LCT: variants seen among roughly 807,000 people sequenced by gnomAD.
LCT encodes lactase/phlorizin hydrolase.
A neutral mutation model predicts 173.0 loss-of-function variants in LCT; 90 were observed. The observed-to-expected ratio is 0.52, with a 90% confidence interval of 0.44 to 0.62. The LOEUF (loss-of-function observed/expected upper bound fraction) is 0.62. LCT is among the 20% of genes least tolerant of loss of function. The pLI, the probability that LCT is intolerant of heterozygous loss-of-function variation, is 0.00. For missense variants in LCT, 1,864 were observed against 2,431.4 expected (o/e 0.77, Z 4.91); for synonymous variants, 853 against 957.6 (o/e 0.89, Z 2.02).
In LCT at chr2:135,837,060, T is replaced by C. The variant is rs1679422189; in HGVS notation, c.110A>G (p.Asn37Ser). The C allele has an allele frequency of 6.2e-7, 1 of 1,614,106 alleles. No homozygotes were observed. The highest frequency in any genetic ancestry group is 8.5e-7 in the Non-Finnish European group (1 of 1,180,020). Residue 37 changes from asparagine to serine, a missense_variant, in exon 1 of 17, where the codon AAT becomes AGT. Coordinates refer to ENST00000264162, the MANE Select transcript of LCT (RefSeq NM_002299.4). ...NFISTAGPLT[N>S]DLLHNLSGLL... ...ACCACTCAGGTTGTGCAGCAAGTCA[T>C]TGGTTAGAGGACCAGCGGTGGAAAT...
chr2:135,790,902 G>C lies in LCT; in HGVS notation c.5112-21C>G, dbSNP rs2077529504. 2 of 1,569,986 alleles carry C rather than the reference G, an allele frequency of 1.3e-6. No homozygotes were observed. The highest frequency in any genetic ancestry group is 1.4e-5 in the African/African-American group (1 of 74,012). On this transcript the variant is annotated intron_variant, in intron 14 of 16. Transcript: ENST00000264162. This position sits in a 1 kb window ranked among gnomAD's most constrained non-coding sequence, Gnocchi z 4.1. ...CTCCTCTACAAGTTCAAAAACTAAA[G>C]ATGAGGTCTTGTTTTGTAAATCTCA...
At chr2:135,830,124 C>G (rs918244203) in intron 2 of LCT, among the ~76,000 whole-genome samples, 8 of 152,072 alleles carry the variant, frequency 5.3e-5, no homozygotes, top group Admixed American at 5.2e-4. Context: ...TGAATCCTAC[C>G]GGGTGTTTGG....
chr2:135,818,141 G>T, intron 5 of LCT, 80 bp from the exon 6 acceptor site: 1 of 1,528,028 alleles, frequency 6.5e-7, no homozygotes, highest in Non-Finnish European at 9.0e-7. Context: ...GATGACTACT[G>T]TGTTTAATCA....
intron 8 of LCT, 57 bp downstream of exon 8, chr2:135,808,386 C>T: frequency 1.5e-6 from 2 of 1,319,902 alleles, no homozygotes; most frequent in Non-Finnish European, 2.2e-6. Context: ...ACATTTCAGG[C>T]ATATGACCCA....
At chr2:135,791,603 A>G (rs1030461782) in intron 14 of LCT, among the ~76,000 whole-genome samples, 1 of 152,134 alleles carries the variant, frequency 6.6e-6, no homozygotes, top group African/African-American at 2.4e-5. Flanking sequence ...GATTTATCTG[A>G]CTCAGCTGAA....
In LCT at chr2:135,818,021, C is replaced by T; in HGVS notation, c.1027G>A (p.Asp343Asn). 6.2e-7 allele frequency: 1 copy of T among 1,613,392 alleles called. No individual in the cohort carries two copies. Among genetic ancestry groups the T allele is most frequent in the Non-Finnish European group, 8.5e-7 (1 of 1,180,012 alleles). Residue 343 changes from aspartate (D) to asparagine (N), a missense_variant, in exon 6 of 17, where the codon GAC becomes AAC. Asp to Asn is a conservative substitution (Grantham distance 23). This residue lies in a region of LCT where 412 missense variants were observed against 462.0 expected (regional missense o/e 0.89). Coordinates refer to ENST00000264162, the MANE Select transcript of LCT (RefSeq NM_002299.4). ...SLTGSLALQPDQQQDHETTDS... is the reference protein window; with the variant it reads ...SLTGSLALQPNQQQDHETTDS... ...GTGGTCTCGTGGTCCTGCTGCTGGTCAGGCTGAAGGGCCAGGCTGCCAGTC... is the reference window on the plus strand; with the variant it reads ...GTGGTCTCGTGGTCCTGCTGCTGGTTAGGCTGAAGGGCCAGGCTGCCAGTC...
intron 5 of LCT, among the ~76,000 whole-genome samples, chr2:135,818,761 C>T (rs1328690346): frequency 2.0e-5 from 3 of 152,166 alleles, no homozygotes; most frequent in African/African-American, 7.2e-5. Flanking sequence ...CACTTGAACC[C>T]GGGAGGCAGA....
At position 135,817,895 on chromosome 2, in the gene LCT, C is replaced by T. The variant is rs2077794367; in HGVS notation, c.1153G>A (p.Gly385Ser). ...CCTGTGGAGGCACCCCAGAGGAAGC[C>T]TTCAGGGAAAGTATCCTGCAGGAAG... ...DAFLQDTFPE[G>S]FLWGASTGAF... Residue 385 changes from glycine to serine, a missense_variant, in exon 6 of 17, where the codon GGC becomes AGC. Coordinates refer to ENST00000264162, the MANE Select transcript of LCT (RefSeq NM_002299.4). 6.2e-7 allele frequency: 1 copy of T among 1,613,804 alleles called. No individual in the cohort carries two copies. The highest frequency in any genetic ancestry group is 1.3e-5 in the African/African-American group (1 of 74,868).
At position 135,807,171 on chromosome 2, in the gene LCT, A is replaced by C. The variant is rs1450801535; in HGVS notation, c.4130T>G (p.Phe1377Cys). ...AREDEFLYGRFPEGFIWSAAS... is the reference protein window; with the variant it reads ...AREDEFLYGRCPEGFIWSAAS... The stretch of plus-strand genomic sequence containing the variant: ...TGCACTCCAGATGAAGCCCTCAGGA[A>C]ACCGTCCGTACAGAAACTCATCCTC... The change falls in exon 9 of 17, where the codon TTT becomes TGT. Residue 1377 changes from phenylalanine (F) to cysteine (C), a missense_variant. Physicochemically the swap from Phe to Cys is radical, Grantham distance 205 (BLOSUM62 -2). Around this residue, in one of 4 missense-constraint regions of LCT, gnomAD observed 514 missense variants for 750.1 expected, o/e 0.69. Transcript: ENST00000264162. 2 of 1,614,232 alleles carry C rather than the reference A, an allele frequency of 1.2e-6. No homozygotes were observed. Among genetic ancestry groups the C allele is most frequent in the Non-Finnish European group, 1.7e-6 (2 of 1,180,028 alleles).
rs1575345578 is a variant in LCT, at chr2:135,821,947, T to C, written c.986+73A>G. 6.7e-6 allele frequency: 6 copies of C among 900,750 alleles called. No homozygotes were observed. In the South Asian group the frequency reaches 7.9e-5, roughly 12 times the overall value. The allele number at this position is 900,750 out of a possible 1,614,324, so 55.8% of individuals were successfully genotyped here. A position where few individuals can be genotyped will look rare whatever the true frequency, so the allele number is the denominator to read the frequency against. The stretch of plus-strand genomic sequence containing the variant: ...AGTTGATGACAACAGTCCTATAAGA[T>C]TATACATGTAAAAGAAACAGAGTAT... On this transcript the variant is annotated intron_variant, in intron 5 of 16. Coordinates refer to ENST00000264162, the MANE Select transcript of LCT (RefSeq NM_002299.4).
rs757161385 is a variant in LCT at position 135,809,057 on chromosome 2, A to G, written c.3290T>C (p.Val1097Ala). 3.3e-5 allele frequency: 53 copies of G among 1,612,962 alleles called. No homozygotes were observed. The highest frequency in any genetic ancestry group is 4.3e-5 in the Non-Finnish European group (51 of 1,179,546). Reference protein sequence around the residue: ...GWAPYRIAHAVIKAHARVYHT... With the variant: ...GWAPYRIAHAAIKAHARVYHT... ...ATAGACTCTGGCATGGGCTTTGATG[A>G]CGGCGTGGGCTATCCTATATGGTGC... Residue 1097 changes from valine (V) to alanine (A), a missense_variant, in exon 8 of 17, where the codon GTC becomes GCC. Physicochemically the swap from Val to Ala is moderately conservative, Grantham distance 64 (BLOSUM62 0). Transcript: ENST00000264162. This position sits in a 1 kb window ranked among gnomAD's most constrained non-coding sequence, Gnocchi z 5.5.
rs1020524046 is a variant in LCT, at chr2:135,812,800, G to A, written c.1864C>T (p.Arg622Cys). The A allele has an allele frequency of 1.2e-5, 20 of 1,614,180 alleles. No homozygotes were observed. Among genetic ancestry groups the A allele is most frequent in the Non-Finnish European group, 1.6e-5 (19 of 1,180,038 alleles). Residue 622 changes from arginine to cysteine, a missense_variant, in exon 7 of 17, where the codon CGC becomes TGC. Arg to Cys is a radical substitution (Grantham distance 180). This residue lies in a region of LCT where 755 missense variants were observed against 926.3 expected (regional missense o/e 0.82). Coordinates refer to ENST00000264162, the MANE Select transcript of LCT (RefSeq NM_002299.4). The part of the protein sequence containing the change: ...ERPEDLRASE[R>C]FLHFMLGWFA... ...CAGCCCAGCATGAAGTGCAAGAAGC[G>A]CTCAGAGGCTCTCAGGTCCTCAGGC...
intron 9 of LCT, among the ~76,000 whole-genome samples, chr2:135,805,288 C>A (rs1366308203): frequency 6.6e-6 from 1 of 152,110 alleles, no homozygotes; most frequent in African/African-American, 2.4e-5. Flanking sequence ...GGCAAAACCC[C>A]ATCTCTATAA....
chr2:135,834,808 A>AAAAAAAAAAAAAAAAAAAAG (rs1222170749), intron 1 of LCT, among the ~76,000 whole-genome samples: 1 of 138,240 alleles, frequency 7.2e-6, no homozygotes, highest in Non-Finnish European at 1.6e-5. Context: ...AAAAAAAAAA[A>AAAAAAAAAAAAAAAAAAAAG]AAGAAGAAGA....
intron 11 of LCT, 142 bp downstream of exon 11, chr2:135,803,788 A>G: frequency 1.4e-6 from 1 of 733,534 alleles, no homozygotes; most frequent in Non-Finnish European, 2.4e-6. Context: ...CAGGAGGGAA[A>G]CCTCTACAGC....
Position 135,808,827 on chromosome 2 carries a change from T to TC in LCT, c.3519dup (p.Asn1174GlufsTer4). On this transcript the variant is annotated frameshift_variant, in exon 8 of 17. Transcript: ENST00000264162. LOFTEE classifies it high-confidence loss of function. Reference sequence around the variant, plus strand: ...GCTAAGTGCTGCAGTTCACTCCTGTTCCCCACTTTCCACTTCATGGTGTCA... The same window carrying TC: ...GCTAAGTGCTGCAGTTCACTCCTGTTCCCCCACTTTCCACTTCATGGTGTCA... 1 of 1,614,114 alleles carries TC rather than the reference T, an allele frequency of 6.2e-7. No homozygotes were observed. Among genetic ancestry groups the TC allele is most frequent in the Non-Finnish European group, 8.5e-7 (1 of 1,179,990 alleles).
intron 1 of LCT, among the ~76,000 whole-genome samples, 162 bp downstream of exon 1, chr2:135,836,368 C>A (rs1679381732): frequency 6.6e-6 from 1 of 152,098 alleles, no homozygotes. Context: ...CTTCCTATCG[C>A]CAGTGGGAAA....
intron 6 of LCT, among the ~76,000 whole-genome samples, chr2:135,814,670 C>T (rs2077764583): frequency 6.6e-6 from 1 of 151,966 alleles, no homozygotes; most frequent in Non-Finnish European, 1.5e-5. Flanking sequence ...GTGCCCGCCA[C>T]CATGCCTGGC....
intron 13 of LCT, 65 bp downstream of exon 13, chr2:135,797,964 G>T (rs1251255685): frequency 2.3e-6 from 2 of 885,540 alleles, no homozygotes; most frequent in Admixed American, 1.7e-5. Flanking sequence ...ATGGTAACTT[G>T]CCCGAGACAT....
Sources: allele counts gnomAD v4.1 joint callset (sites outside exome capture counted in the v4.1 genomes callset), GRCh38; gene constraint gnomAD v4.1.1; regional missense constraint gnomAD v4.1.1; non-coding constraint Gnocchi (gnomAD v3.1); transcripts MANE v1.5; gene names NCBI Gene and HGNC (gene_info 2026-07-23, HGNC 2026-07-21).